Variants in IGDCC3 observed in about 807,000 individuals in gnomAD.
IGDCC3 encodes the protein immunoglobulin superfamily DCC subclass member 3.
A neutral mutation model predicts 72.0 loss-of-function variants in IGDCC3; 47 were observed. That is an observed-to-expected ratio of 0.65 (90% CI 0.52 to 0.83). The LOEUF (loss-of-function observed/expected upper bound fraction) is 0.83. IGDCC3 is among the 40% of genes least tolerant of loss of function. IGDCC3 has a pLI of 0.00. For synonymous variants in IGDCC3, 477 were observed against 472.8 expected (o/e 1.01, Z -0.11); for missense variants, 1,038 against 1,091.3 (o/e 0.95, Z 0.69).
In IGDCC3 at chr15:65,339,954, C is replaced by T. The variant is rs956082945; in HGVS notation, c.410-3998G>A. ...GAGAAAGCGACAGGGAGGACAAAGT[C>T]CTGCTTGGCAGTAGGTGGGGAGAAA... is the stretch of plus-strand genomic sequence containing the variant. On this transcript the variant is annotated intron_variant, in intron 2 of 13. Coordinates refer to ENST00000327987, the MANE Select transcript of IGDCC3 (RefSeq NM_004884.4). This position sits in a 1 kb window ranked among gnomAD's most constrained non-coding sequence, Gnocchi z 4.1. Among the ~76,000 whole-genome samples, 103 of 152,208 alleles carry T rather than the reference C, an allele frequency of 6.8e-4. 1 individual carries two copies. The Middle Eastern group carries it at 0.01, about 15-fold the overall frequency.
Position 65,331,213 on chromosome 15 carries a change from G to A in IGDCC3, c.1398C>T (p.Asp466=). The part of the protein sequence containing the change: ...GYVLHIRKAA[D]PPELEYQEAV... ...CCTCCTGATACTCCAGCTCCGGTGG[G>A]TCTGGAGAGGCACAGGGTGGGCAGG... is the stretch of plus-strand genomic sequence containing the variant. The change falls in exon 9 of 14, where the codon GAC becomes GAT. Residue 466 remains aspartate (D), a splice_region_variant and synonymous_variant. Coordinates refer to ENST00000327987, the MANE Select transcript of IGDCC3 (RefSeq NM_004884.4). 4 of 1,613,834 alleles carry A rather than the reference G, an allele frequency of 2.5e-6. No individual in the cohort carries two copies. The highest frequency in any genetic ancestry group is 3.4e-6 in the Non-Finnish European group (4 of 1,179,874).
chr15:65,369,922 T>G (rs991552279), intron 2 of IGDCC3, among the ~76,000 whole-genome samples: 2 of 152,142 alleles, frequency 1.3e-5, no homozygotes, highest in Non-Finnish European at 2.9e-5. Context: ...CCACACACCA[T>G]GAGCCTTTTT....
chr15:65,349,953 G>A (rs1004045845), intron 2 of IGDCC3, among the ~76,000 whole-genome samples: 5 of 152,042 alleles, frequency 3.3e-5, no homozygotes, highest in African/African-American at 7.2e-5. Flanking sequence ...GAAGTAAGTC[G>A]TTTATGGTTT....
chr15:65,342,153 G>A (rs1447981524), intron 2 of IGDCC3, among the ~76,000 whole-genome samples: 2 of 151,758 alleles, frequency 1.3e-5, no homozygotes, highest in African/African-American at 2.4e-5. Context: ...TTGGGAGGCC[G>A]AGGCGGGTGG....
intron 2 of IGDCC3, among the ~76,000 whole-genome samples, chr15:65,344,800 T>C (rs1212017729): frequency 6.6e-6 from 1 of 152,038 alleles, no homozygotes; most frequent in East Asian, 1.9e-4. Flanking sequence ...CCTCCCTCAG[T>C]GGAGGGTGTG....
chr15:65,372,039 G>A (rs2091328699), intron 2 of IGDCC3, among the ~76,000 whole-genome samples: 1 of 152,218 alleles, frequency 6.6e-6, no homozygotes, highest in Admixed American at 6.5e-5. Context: ...AGAAAGCAGG[G>A]GCCGGGAGCA....
chr15:65,347,992 T>C (rs1366978767), intron 2 of IGDCC3, among the ~76,000 whole-genome samples: 1 of 151,882 alleles, frequency 6.6e-6, no homozygotes, highest in African/African-American at 2.4e-5. Context: ...AAAAAACAGG[T>C]TGCAGTAAAG....
intron 10 of IGDCC3, 60 bp downstream of exon 10, chr15:65,330,490 C>T (rs954992555): frequency 1.3e-4 from 212 of 1,584,184 alleles, no homozygotes; most frequent in Non-Finnish European, 1.7e-4. Context: ...TACGCCACCT[C>T]CTGGCCCTCA....
chr15:65,354,021 T>C (rs1194383777), intron 2 of IGDCC3, among the ~76,000 whole-genome samples: 6 of 152,188 alleles, frequency 3.9e-5, no homozygotes, highest in Non-Finnish European at 7.4e-5. Context: ...TTCTCCTGTC[T>C]CAGCCTCCCA....
At chr15:65,357,665 G>T (rs1052346235) in intron 2 of IGDCC3, among the ~76,000 whole-genome samples, 101 of 152,324 alleles carry the variant, frequency 6.6e-4, no homozygotes, top group African/African-American at 2.2e-3. Flanking sequence ...TACATGAAAA[G>T]CTTTCCAAAA....
At chr15:65,337,635 A>G (rs1190794575) in intron 2 of IGDCC3, among the ~76,000 whole-genome samples, 1 of 152,104 alleles carries the variant, frequency 6.6e-6, no homozygotes, top group African/African-American at 2.4e-5. Flanking sequence ...CAAGGGAGGT[A>G]AGTAAGCCCA....
intron 4 of IGDCC3, 29 bp downstream of exon 4, chr15:65,335,262 G>A (rs747077752): frequency 6.3e-7 from 1 of 1,588,792 alleles, no homozygotes; most frequent in African/African-American, 1.3e-5. Flanking sequence ...AGGTGGGGAG[G>A]TTGGGGGAAA....
intron 2 of IGDCC3, among the ~76,000 whole-genome samples, chr15:65,371,418 C>T (rs2091325249): frequency 6.6e-6 from 1 of 152,196 alleles, no homozygotes; most frequent in Non-Finnish European, 1.5e-5. Context: ...GCCCTTGTTC[C>T]AAAGGCTTCA....
chr15:65,375,018 C>T, intron 2 of IGDCC3, 79 bp downstream of exon 2: 18 of 1,323,036 alleles, frequency 1.4e-5, no homozygotes, highest in Non-Finnish European at 1.7e-5. Context: ...TGGGACTGCT[C>T]CCGCTGCCCT....
At chr15:65,332,149 C>T in intron 6 of IGDCC3, 43 bp from the exon 7 acceptor site, 1 of 1,586,432 alleles carries the variant, frequency 6.3e-7, no homozygotes, top group African/African-American at 1.3e-5. Flanking sequence ...ACAGACACAG[C>T]TGTGAGTGAC....
At chr15:65,374,801 G>T (rs537136280) in intron 2 of IGDCC3, among the ~76,000 whole-genome samples, 1 of 152,172 alleles carries the variant, frequency 6.6e-6, no homozygotes, top group Non-Finnish European at 1.5e-5. Context: ...AAGTATGAAA[G>T]GCATATGGAA....
At chr15:65,361,989 C>G (rs1015003458) in intron 2 of IGDCC3, among the ~76,000 whole-genome samples, 1 of 152,050 alleles carries the variant, frequency 6.6e-6, no homozygotes, top group Non-Finnish European at 1.5e-5. Flanking sequence ...GCTTTGGACA[C>G]GTGCGCGGGC....
Position 65,329,701 on chromosome 15 carries a change from C to A in IGDCC3, c.1997+25G>T, listed in dbSNP as rs551930452. On this transcript the variant is annotated intron_variant, in intron 12 of 13. Coordinates refer to ENST00000327987, the MANE Select transcript of IGDCC3 (RefSeq NM_004884.4). This position sits in a 1 kb window ranked among gnomAD's most constrained non-coding sequence, Gnocchi z 4.1. ...CCTAGTCCCCCACACACCAGCCCAG[C>A]CCCTCTCCCTGGCCCAGGACCCACC... 9 of 1,613,742 alleles carry A rather than the reference C, an allele frequency of 5.6e-6. No homozygotes were observed. In the East Asian group the frequency reaches 2.0e-4, roughly 36 times the overall value.
chr15:65,336,159 T>C (rs1454121224), intron 2 of IGDCC3, among the ~76,000 whole-genome samples: 1 of 152,018 alleles, frequency 6.6e-6, no homozygotes, highest in Non-Finnish European at 1.5e-5. Context: ...CCCTGAGAGG[T>C]GGTATAGGCT....
Sources: allele counts gnomAD v4.1 joint callset (sites outside exome capture counted in the v4.1 genomes callset), GRCh38; gene constraint gnomAD v4.1.1; non-coding constraint Gnocchi (gnomAD v3.1); transcripts MANE v1.5; gene names NCBI Gene and HGNC (gene_info 2026-07-23, HGNC 2026-07-21).